Variants in CAST observed in about 807,000 individuals in gnomAD.
CAST encodes MIR583 host.
CAST carries 76 observed loss-of-function variants against 119.6 expected under a neutral mutation model. The observed-to-expected ratio is 0.64, with a 90% CI of 0.53 to 0.77. The LOEUF is 0.77. Ranked by LOEUF, CAST falls within the 30% of genes least tolerant of loss-of-function variation. The pLI is 0.00. For missense variants in CAST, 953 were observed against 946.5 expected (o/e 1.01, Z -0.09); for synonymous variants, 319 against 331.6 (o/e 0.96, Z 0.41).
At chr5:96,398,166 A>G in the CAST span, among the ~76,000 whole-genome samples, 1 of 152,184 alleles carries the variant, frequency 6.6e-6, no homozygotes, top group African/African-American at 2.4e-5. Flanking sequence ...CATAACTTCA[A>G]AATTAACAGA....
the CAST span, among the ~76,000 whole-genome samples, chr5:96,171,063 G>GA: frequency 6.6e-6 from 1 of 152,134 alleles, no homozygotes; most frequent in East Asian, 1.9e-4. Flanking sequence ...AGGTGGGAGG[G>GA]AAAGAAGCAA....
chr5:96,421,793 T>C, the CAST span: 27 of 822,822 alleles, frequency 3.3e-5, no homozygotes, highest in East Asian at 6.5e-4. Context: ...AGCACTGGAA[T>C]GTGGATGAAA....
the CAST span, among the ~76,000 whole-genome samples, chr5:95,974,265 A>G: frequency 6.6e-6 from 1 of 152,154 alleles, no homozygotes; most frequent in Admixed American, 6.5e-5. Context: ...CTGCCTTTTG[A>G]CAAGTGACGC....
chr5:96,462,894 C>T, the CAST span, among the ~76,000 whole-genome samples: 1 of 152,078 alleles, frequency 6.6e-6, no homozygotes, highest in Non-Finnish European at 1.5e-5. Context: ...TCCCTGCTGT[C>T]TTGTGAAGAA....
chr5:96,538,328 A>G (rs2570469), intron 1 of CAST, among the ~76,000 whole-genome samples: 51,710 of 151,864 alleles, frequency 0.34, 9,039 homozygotes, highest in Middle Eastern at 0.42. Flanking sequence ...ACTACGTAGC[A>G]ATATGTGGAT....
At chr5:96,446,363 G>T in the CAST span, among the ~76,000 whole-genome samples, 4 of 152,100 alleles carry the variant, frequency 2.6e-5, no homozygotes, top group Non-Finnish European at 5.9e-5. Flanking sequence ...TGGCTTTAAG[G>T]GATATCATGG....
At chr5:95,994,264 C>T in the CAST span, among the ~76,000 whole-genome samples, 4 of 152,098 alleles carry the variant, frequency 2.6e-5, no homozygotes, top group East Asian at 7.7e-4. Context: ...CGAAACAATC[C>T]AATTATCCAT....
the CAST span, among the ~76,000 whole-genome samples, chr5:96,452,651 A>T: frequency 2.1e-5 from 2 of 96,814 alleles, no homozygotes; most frequent in Non-Finnish European, 5.0e-5. Flanking sequence ...AAAAAAAAAA[A>T]AAAAAAAAAA....
the CAST span, among the ~76,000 whole-genome samples, chr5:96,042,824 A>G: frequency 6.6e-6 from 1 of 152,288 alleles, no homozygotes; most frequent in Middle Eastern, 3.4e-3. Context: ...AATACCTCCC[A>G]GAAGTATAAT....
the CAST span, among the ~76,000 whole-genome samples, chr5:96,112,524 TATA>T: frequency 6.6e-6 from 1 of 152,192 alleles, no homozygotes; most frequent in Non-Finnish European, 1.5e-5. Context: ...CCTAACTGTG[TATA>T]ATACATAGTT....
At chr5:96,065,392 G>A in the CAST span, among the ~76,000 whole-genome samples, 3 of 144,498 alleles carry the variant, frequency 2.1e-5, no homozygotes, top group East Asian at 6.0e-4. Flanking sequence ...TCCTATGGTG[G>A]TTAATGATCT....
the CAST span, among the ~76,000 whole-genome samples, chr5:96,461,342 C>G: frequency 6.6e-6 from 1 of 151,998 alleles, no homozygotes; most frequent in East Asian, 1.9e-4. Flanking sequence ...AAGTTTTTAT[C>G]TGGACTTCTT....
chr5:96,286,610 T>C, the CAST span, among the ~76,000 whole-genome samples: 815 of 152,284 alleles, frequency 5.4e-3, 3 homozygotes, highest in Middle Eastern at 0.01. Flanking sequence ...AATTTTTTCC[T>C]AAGTTTTTTT....
the CAST span, among the ~76,000 whole-genome samples, chr5:95,967,371 A>C: frequency 0.013 from 2,000 of 151,970 alleles, 50 homozygotes; most frequent in African/African-American, 0.044. Context: ...CTTCCTATGA[A>C]TAGACACTGC....
chr5:96,595,830 A>G (rs1319429690), intron 1 of CAST, among the ~76,000 whole-genome samples: 1 of 152,258 alleles, frequency 6.6e-6, no homozygotes, highest in Non-Finnish European at 1.5e-5. Flanking sequence ...AACATAACAT[A>G]TTAGACCCAA....
chr5:96,312,571 G>A, the CAST span, among the ~76,000 whole-genome samples: 30 of 151,750 alleles, frequency 2.0e-4, 1 homozygote, highest in East Asian at 5.8e-3. Flanking sequence ...TGACTGCCCT[G>A]GTGAATTAGT....
At chr5:95,974,432 A>G in the CAST span, among the ~76,000 whole-genome samples, 4 of 152,346 alleles carry the variant, frequency 2.6e-5, no homozygotes, top group South Asian at 4.1e-4. Context: ...TGTTGTTTTC[A>G]TCAAGTGTTT....
At chr5:96,249,575 TA>T in the CAST span, among the ~76,000 whole-genome samples, 1 of 152,216 alleles carries the variant, frequency 6.6e-6, no homozygotes, top group African/African-American at 2.4e-5. Flanking sequence ...CCATCATTTC[TA>T]TATAAATTTG....
At chr5:96,494,284 C>G in the CAST span, among the ~76,000 whole-genome samples, 3 of 152,032 alleles carry the variant, frequency 2.0e-5, no homozygotes, top group African/African-American at 4.8e-5. Flanking sequence ...ATGAAGGACC[C>G]CTCCTTATCC....
Sources: gnomAD v4.1 joint callset for allele counts (sites outside exome capture counted in the v4.1 genomes callset) on GRCh38, gnomAD v4.1.1 for gene constraint, MANE v1.5 for transcripts, NCBI Gene and HGNC (gene_info 2026-07-23, HGNC 2026-07-21) for gene names.